Variants in VPS13B observed in about 807,000 individuals in gnomAD.
VPS13B encodes the protein intermembrane lipid transfer protein VPS13B.
In VPS13B, 285 loss-of-function variants were observed where a neutral mutation model predicts 426.4. The ratio of observed to expected loss-of-function variants is 0.67; its 90% confidence interval spans 0.61 to 0.74. The LOEUF is 0.74. Ranked by LOEUF, VPS13B falls within the 30% of genes least tolerant of loss-of-function variation. VPS13B has a pLI of 0.00. For synonymous variants in VPS13B, 1,676 were observed against 1,676.4 expected, an observed-to-expected ratio of 1.00 and a Z score of 0.01; for missense variants, 4,537 against 4,782.6, an observed-to-expected ratio of 0.95 and a Z score of 1.51.
chr8:99,571,989 TA>T (rs1825500033), intron 31 of VPS13B, among the ~76,000 whole-genome samples: 1 of 152,142 alleles, frequency 6.6e-6, no homozygotes. Context: ...ACTACTCTGA[TA>T]AAAACAAAAA....
chr8:99,740,273 A>T (rs186196325), intron 39 of VPS13B, among the ~76,000 whole-genome samples: 1 of 152,316 alleles, frequency 6.6e-6, no homozygotes, highest in Non-Finnish European at 1.5e-5. Flanking sequence ...AGTTTAGAGA[A>T]AAAAGAATAA....
chr8:99,215,046 A>G (rs1472276910), intron 17 of VPS13B, among the ~76,000 whole-genome samples: 2 of 152,152 alleles, frequency 1.3e-5, no homozygotes, highest in Non-Finnish European at 2.9e-5. Context: ...GCCTTCTTTA[A>G]GTAGAAAATA....
At chr8:99,513,853 G>C (rs921602788) in intron 29 of VPS13B, among the ~76,000 whole-genome samples, 1 of 152,070 alleles carries the variant, frequency 6.6e-6, no homozygotes, top group African/African-American at 2.4e-5. Flanking sequence ...TTTTAAAATG[G>C]GTATCTAATA....
chr8:99,249,525 G>A (rs1191419926), intron 17 of VPS13B, among the ~76,000 whole-genome samples: 1 of 149,708 alleles, frequency 6.7e-6, no homozygotes. Flanking sequence ...CCTGGTTCAC[G>A]CCGTTCTCCT....
At chr8:99,428,591 C>G (rs944594010) in intron 21 of VPS13B, among the ~76,000 whole-genome samples, 6 of 152,184 alleles carry the variant, frequency 3.9e-5, no homozygotes, top group Non-Finnish European at 2.9e-5. Flanking sequence ...GAGATACCAT[C>G]TCACACCAGT....
intron 24 of VPS13B, among the ~76,000 whole-genome samples, chr8:99,477,187 C>T (rs956955619): frequency 5.3e-5 from 8 of 152,070 alleles, no homozygotes; most frequent in Non-Finnish European, 1.2e-4. Context: ...CTATATATTC[C>T]TTTTTATTTT....
intron 33 of VPS13B, among the ~76,000 whole-genome samples, chr8:99,608,590 TAAC>T (rs1255196619): frequency 6.6e-6 from 1 of 152,212 alleles, no homozygotes; most frequent in African/African-American, 2.4e-5. Context: ...GGAATAATTT[TAAC>T]AACACATTCA....
chr8:99,691,776 G>C (rs370591070), intron 35 of VPS13B, among the ~76,000 whole-genome samples: 1,761 of 145,326 alleles, frequency 0.012, 19 homozygotes, highest in Non-Finnish European at 0.019. Flanking sequence ...AGACCCATCA[G>C]TGTGCTGTAT....
intron 35 of VPS13B, among the ~76,000 whole-genome samples, chr8:99,662,307 C>G (rs1830261250): frequency 6.6e-6 from 1 of 152,066 alleles, no homozygotes; most frequent in Non-Finnish European, 1.5e-5. Context: ...TCCCTCACTT[C>G]CGTATAGTCT....
chr8:99,827,447 G>C (rs1814757776), intron 51 of VPS13B, among the ~76,000 whole-genome samples: 1 of 150,152 alleles, frequency 6.7e-6, no homozygotes, highest in South Asian at 2.1e-4. Flanking sequence ...GTGTCTGTTT[G>C]AGTCTTCTCT....
At chr8:99,301,885 C>T (rs1820386758) in intron 19 of VPS13B, among the ~76,000 whole-genome samples, 1 of 152,036 alleles carries the variant, frequency 6.6e-6, no homozygotes. Context: ...CCTTGGCCTC[C>T]CCAAATGCTG....
At chr8:99,540,016 TATATATATATA>T (rs1823480998) in intron 30 of VPS13B, among the ~76,000 whole-genome samples, 48 of 1,110 alleles carry the variant, frequency 0.043, no homozygotes, top group Non-Finnish European at 0.056. Flanking sequence ...AAATAAATTA[TATATATATATA>T]TATATATATA....
At chr8:99,473,019 CAA>C (rs1819493751) in intron 24 of VPS13B, among the ~76,000 whole-genome samples, 1 of 151,930 alleles carries the variant, frequency 6.6e-6, no homozygotes. Flanking sequence ...AATGTGATGT[CAA>C]AAACTTTCCC....
rs777933862 is a variant in VPS13B at position 99,868,286 on chromosome 8, C to G, written c.11216-3C>G. 1.2e-6 allele frequency: 2 copies of G among 1,613,976 alleles called. No individual in the cohort carries two copies. The highest frequency in any genetic ancestry group is 1.7e-6 in the Non-Finnish European group (2 of 1,180,002). On this transcript the variant is annotated splice_polypyrimidine_tract_variant and splice_region_variant and intron_variant, in intron 58 of 61. Transcript: ENST00000357162. ...TCCTTACTGAGGGCTTTTGTTATTC[C>G]AGGTGCAATTGCTGGTATAGTTGAT...
At chr8:99,153,491 C>T (rs567307075) in intron 14 of VPS13B, among the ~76,000 whole-genome samples, 1 of 151,852 alleles carries the variant, frequency 6.6e-6, no homozygotes, top group African/African-American at 2.4e-5. Context: ...AGTGTTTGTC[C>T]TAGAATTTGC....
At chr8:99,396,311 G>T (rs1227126099) in intron 21 of VPS13B, among the ~76,000 whole-genome samples, 1 of 151,992 alleles carries the variant, frequency 6.6e-6, no homozygotes, top group Non-Finnish European at 1.5e-5. Context: ...TAAGACTATT[G>T]AGTCACAAAG....
intron 21 of VPS13B, among the ~76,000 whole-genome samples, chr8:99,393,739 C>G (rs1191608128): frequency 6.6e-6 from 1 of 152,080 alleles, no homozygotes; most frequent in Non-Finnish European, 1.5e-5. Flanking sequence ...AATTCTATTT[C>G]TTTCCCTTTG....
intron 3 of VPS13B, among the ~76,000 whole-genome samples, chr8:99,060,110 C>T (rs1844101037): frequency 1.3e-5 from 2 of 152,076 alleles, no homozygotes; most frequent in Non-Finnish European, 2.9e-5. Flanking sequence ...AAAAAAACTA[C>T]AAACCACACA....
chr8:99,064,650 A>G (rs1431402553), intron 3 of VPS13B, among the ~76,000 whole-genome samples: 1 of 152,222 alleles, frequency 6.6e-6, no homozygotes, highest in Non-Finnish European at 1.5e-5. Context: ...CCTGAAAGTG[A>G]TGGGGAGAAT....
Sources: gnomAD v4.1 joint callset for allele counts (sites outside exome capture counted in the v4.1 genomes callset) on GRCh38, gnomAD v4.1.1 for gene constraint, MANE v1.5 for transcripts, NCBI Gene and HGNC (gene_info 2026-07-23, HGNC 2026-07-21) for gene names.